The following CACNA1E variants were observed in gnomAD, a reference collection of about 807,000 sequenced individuals.
The protein encoded by CACNA1E is calcium voltage-gated channel subunit alpha1 E, also known as voltage-dependent R-type calcium channel subunit alpha-1E.
CACNA1E carries 40 observed loss-of-function variants against 259.2 expected under a neutral mutation model. The ratio of observed to expected loss-of-function variants is 0.15; its 90% CI spans 0.12 to 0.20. The LOEUF (loss-of-function observed/expected upper bound fraction) is 0.20. Ranked by LOEUF, CACNA1E falls within the 10% of genes least tolerant of loss-of-function variation. The probability of loss-of-function intolerance (pLI) is 1.00; values close to 1 mark genes in which losing one functional copy is unlikely to be tolerated. For missense variants in CACNA1E, 1,874 were observed against 3,040.1 expected (o/e 0.62, Z 9.02); for synonymous variants, 1,104 against 1,138.5 (o/e 0.97, Z 0.61).
Position 181,623,674 on chromosome 1 carries a change from T to C in CACNA1E, c.952-27664T>C, listed in dbSNP as rs116709090. ...TGTTTCCCAGTGCATATAAAAGTTA[T>C]GTTTACACTATATTGTAGTCTATTA... On this transcript the variant is annotated intron_variant, in intron 6 of 47. Transcript: ENST00000367573. Among the ~76,000 whole-genome samples, 1,154 of 152,364 alleles carry C rather than the reference T, an allele frequency of 7.6e-3. 11 individuals carry two copies. Among genetic ancestry groups the C allele is most frequent in the African/African-American group, 0.026 (1,070 of 41,584 alleles).
rs1326600396 is a variant in CACNA1E, at chr1:181,795,059, A to G, written c.6208+15A>G. 1.2e-6 allele frequency: 2 copies of G among 1,610,018 alleles called. No individual in the cohort carries two copies. The highest frequency in any genetic ancestry group is 8.5e-7 in the Non-Finnish European group (1 of 1,177,480). On this transcript the variant is annotated intron_variant, in intron 46 of 47. Transcript: ENST00000367573. ...CTCTGATTCAGGTGAGGAGGTCTTC[A>G]GTGTCCAGCTCTTTCATCAGGCAGT...
intron 2 of CACNA1E, among the ~76,000 whole-genome samples, chr1:181,473,571 A>AT (rs112286142): frequency 0.24 from 35,929 of 151,974 alleles, 5,150 homozygotes; most frequent in African/African-American, 0.4. Flanking sequence ...TACTTTTGCC[A>AT]TTTTTGCATG....
At chr1:181,536,321 T>G (rs1423503476) in intron 3 of CACNA1E, among the ~76,000 whole-genome samples, 1 of 152,188 alleles carries the variant, frequency 6.6e-6, no homozygotes, top group Non-Finnish European at 1.5e-5. Context: ...TTTTTCATCT[T>G]TTTCTTACTC....
intron 7 of CACNA1E, among the ~76,000 whole-genome samples, chr1:181,684,108 T>TA (rs1257948634): frequency 6.6e-6 from 1 of 152,198 alleles, no homozygotes; most frequent in Admixed American, 6.5e-5. Context: ...CAACAGTGTA[T>TA]ACGCGTTCCC....
chr1:181,323,087 G>T (rs1436122827), intron 1 of CACNA1E, among the ~76,000 whole-genome samples: 1 of 152,214 alleles, frequency 6.6e-6, no homozygotes, highest in Non-Finnish European at 1.5e-5. Context: ...ATGCAACTTG[G>T]TATCAAAGTA....
At chr1:181,381,414 T>C (rs1464104600) in intron 1 of CACNA1E, among the ~76,000 whole-genome samples, 1 of 152,124 alleles carries the variant, frequency 6.6e-6, no homozygotes, top group African/African-American at 2.4e-5. Flanking sequence ...GAGTATGTAA[T>C]ATATGATTCC....
intron 1 of CACNA1E, among the ~76,000 whole-genome samples, chr1:181,356,752 C>T (rs756945171): frequency 3.3e-5 from 5 of 152,186 alleles, no homozygotes; most frequent in South Asian, 2.1e-4. Context: ...CCTACCAGGG[C>T]GGGCTCCTGT....
intron 12 of CACNA1E, 36 bp from the exon 13 acceptor site, chr1:181,719,715 C>A: frequency 8.5e-7 from 1 of 1,181,372 alleles, no homozygotes; most frequent in Non-Finnish European, 1.2e-6. Context: ...TCTCCTCTTC[C>A]TCCTCCTCTC....
At chr1:181,332,155 G>A (rs1651322874) in intron 1 of CACNA1E, among the ~76,000 whole-genome samples, 1 of 152,190 alleles carries the variant, frequency 6.6e-6, no homozygotes, top group African/African-American at 2.4e-5. Flanking sequence ...ATAAGTGGGA[G>A]CTGAACGATG....
At chr1:181,628,613 A>G (rs1356743705) in intron 6 of CACNA1E, among the ~76,000 whole-genome samples, 1 of 152,196 alleles carries the variant, frequency 6.6e-6, no homozygotes, top group Admixed American at 6.5e-5. Context: ...GAGTCTAAAA[A>G]GTGAATATTT....
At chr1:181,478,511 C>T (rs1414074781) in intron 2 of CACNA1E, among the ~76,000 whole-genome samples, 3 of 152,256 alleles carry the variant, frequency 2.0e-5, no homozygotes, top group Non-Finnish European at 2.9e-5. Flanking sequence ...CTCCCAAATC[C>T]TCTCTGCATT....
chr1:181,639,080 T>C (rs1482484620), intron 6 of CACNA1E, among the ~76,000 whole-genome samples: 1 of 151,726 alleles, frequency 6.6e-6, no homozygotes, highest in Non-Finnish European at 1.5e-5. Context: ...CAGCTTAGAG[T>C]AGAGTAGATG....
At position 181,362,945 on chromosome 1, in the gene CACNA1E, C is replaced by T. The variant is rs558025088; in HGVS notation, c.-15+44822C>T. On this transcript the variant is annotated intron_variant, in intron 1 of 11. Transcript: ENST00000524607. ...GATCTCGTTATAAGTTTACTGAAGA[C>T]AAGAGGCGTGGAGAGAGGGTGGAGG... Among the ~76,000 whole-genome samples, 5 of 152,276 alleles carry T rather than the reference C, an allele frequency of 3.3e-5. No homozygotes were observed. The East Asian group carries it at 7.7e-4, about 24-fold the overall frequency.
At chr1:181,654,335 A>G (rs1203022853) in intron 7 of CACNA1E, among the ~76,000 whole-genome samples, 1 of 152,066 alleles carries the variant, frequency 6.6e-6, no homozygotes, top group Non-Finnish European at 1.5e-5. Context: ...TATAAAATTG[A>G]TGAAATTACC....
intron 1 of CACNA1E, among the ~76,000 whole-genome samples, chr1:181,507,328 CT>C: frequency 6.6e-6 from 1 of 152,240 alleles, no homozygotes. Context: ...CCTGGAGCAT[CT>C]TCCGGTGGTG....
At position 181,732,543 on chromosome 1, in the gene CACNA1E, G is replaced by A. The variant is rs371465144; in HGVS notation, c.2457G>A (p.Pro819=). The stretch of plus-strand genomic sequence containing the variant: ...TCAACCCGCTCAGCTCCCTCAACCC[G>A]CTCAATGCCCACCCCAGCCTTTATC... ...NPLNPLSSLN[P]LNAHPSLYRR... is the part of the protein sequence containing the mutation. Residue 819 remains proline (P), a synonymous_variant, in exon 20 of 48, where the codon CCG becomes CCA. Coordinates refer to ENST00000367573, the MANE Select transcript of CACNA1E (RefSeq NM_001205293.3). This position sits in a 1 kb window ranked among gnomAD's most constrained non-coding sequence, Gnocchi z 5.5. The A allele has an allele frequency of 1.8e-5, 28 of 1,549,798 alleles. No individual in the cohort carries two copies. Among genetic ancestry groups the A allele is most frequent in the Middle Eastern group, 1.7e-4 (1 of 6,004 alleles).
At chr1:181,547,753 T>A (rs1373462989) in intron 3 of CACNA1E, among the ~76,000 whole-genome samples, 1 of 152,262 alleles carries the variant, frequency 6.6e-6, no homozygotes, top group Non-Finnish European at 1.5e-5. Flanking sequence ...GCGATGCAAT[T>A]AGCACTTTAT....
chr1:181,545,973 G>A (rs1468418594), intron 3 of CACNA1E, among the ~76,000 whole-genome samples: 2 of 152,094 alleles, frequency 1.3e-5, no homozygotes, highest in Admixed American at 1.3e-4. Flanking sequence ...AGGAGCCTAA[G>A]GAACCTAGAG....
chr1:181,780,148 G>C (rs2102816615), intron 38 of CACNA1E, among the ~76,000 whole-genome samples: 1 of 152,260 alleles, frequency 6.6e-6, no homozygotes, highest in East Asian at 1.9e-4. Flanking sequence ...GCATGGATTT[G>C]GTGCTGTGTG....
Sources: allele counts gnomAD v4.1 joint callset (sites outside exome capture counted in the v4.1 genomes callset), GRCh38; gene constraint gnomAD v4.1.1; non-coding constraint Gnocchi (gnomAD v3.1); transcripts MANE v1.5; gene names NCBI Gene and HGNC (gene_info 2026-07-23, HGNC 2026-07-21).